Variants in GPR173 observed in about 807,000 individuals in gnomAD.
GPR173 encodes G protein-coupled receptor 173, also known as probable G protein-coupled receptor 173.
In GPR173, 2 loss-of-function variants were observed where a neutral mutation model predicts 13.9. That is an observed-to-expected ratio of 0.14 (90% CI 0.06 to 0.45). The LOEUF (loss-of-function observed/expected upper bound fraction) is 0.45. GPR173 is among the 20% of genes least tolerant of loss of function. The probability of loss-of-function intolerance (pLI) is 0.98; values close to 1 mark genes in which losing one functional copy is unlikely to be tolerated. For missense variants in GPR173, 202 were observed against 340.5 expected (o/e 0.59, Z 3.20); for synonymous variants, 131 against 141.0 (o/e 0.93, Z 0.50).
chrX:53,075,801 TTAAG>T (rs1258047705), intron 1 of GPR173, among the ~76,000 whole-genome samples: 3 of 110,683 alleles, frequency 2.7e-5, no homozygotes, highest in Non-Finnish European at 5.7e-5. Flanking sequence ...AAGAAATCTA[TTAAG>T]TGAGTGGTAC....
In GPR173 at chrX:53,073,536, T is replaced by C. The variant is rs1490319517; in HGVS notation, c.-97-2989T>C. 2.7e-5 allele frequency among the ~76,000 whole-genome samples: 3 copies of C among 109,294 alleles called. No individual in the cohort carries two copies. In the South Asian group the frequency reaches 1.1e-3, roughly 41 times the overall value. The allele number at this position is 109,294 out of a possible 115,157, so 94.9% of individuals were successfully genotyped here. A position where few individuals can be genotyped will look rare whatever the true frequency, so the allele number is the denominator to read the frequency against. ...ACCAGATGTACCCCCCAGGCTGCTGTTGTAGCTAATCCTGCCTGGATGTCT... is the reference window on the plus strand; with the variant it reads ...ACCAGATGTACCCCCCAGGCTGCTGCTGTAGCTAATCCTGCCTGGATGTCT... On this transcript the variant is annotated intron_variant, in intron 1 of 1. Transcript: ENST00000332582.
rs1556806489 is a variant in GPR173, at chrX:53,080,288, C to T, written c.*2545C>T. 8.2e-6 allele frequency: 1 copy of T among 122,250 alleles called. No homozygotes were observed. Among genetic ancestry groups the T allele is most frequent in the African/African-American group, 3.3e-5 (1 of 30,476 alleles). 10.1% of individuals were successfully genotyped at this position (122,250 alleles called of 1,213,427 possible). On this transcript the variant is annotated 3_prime_UTR_variant, in exon 2 of 2. Transcript: ENST00000332582. Reference sequence around the variant, plus strand: ...ACCCAAGCCCAGGAGTCTACCCAGCCAGCCTGCTCCCTAGACAGTTAATTT... The same window carrying T: ...ACCCAAGCCCAGGAGTCTACCCAGCTAGCCTGCTCCCTAGACAGTTAATTT...
rs1195044161 is a variant in GPR173, at chrX:53,075,180, C to T, written c.-97-1345C>T. Among the ~76,000 whole-genome samples the T allele has an allele frequency of 3.7e-5, 4 of 107,527 alleles. No homozygotes were observed. In the East Asian group the frequency reaches 1.2e-3, roughly 31 times the overall value. 93.4% of individuals were successfully genotyped at this position (107,527 alleles called of 115,157 possible). A position where few individuals can be genotyped will look rare whatever the true frequency, so the allele number is the denominator to read the frequency against. On this transcript the variant is annotated intron_variant, in intron 1 of 1. Transcript: ENST00000332582. ...CTTCCTCAAATATGCCATGTAGAGT[C>T]CCACCTCAGGGCCTTTGCTCTGGCC...
rs1931919005 is a variant in GPR173 at position 53,049,146 on chromosome X, G to A, written c.-436G>A. Reference sequence around the variant, plus strand: ...GGGGCCAGCACTGGCCCCCCTCCCAGCTTGGCAGTGGCATGAAGATGGGAG... The same window carrying A: ...GGGGCCAGCACTGGCCCCCCTCCCAACTTGGCAGTGGCATGAAGATGGGAG... On this transcript the variant is annotated 5_prime_UTR_variant, in exon 1 of 2. Coordinates refer to ENST00000332582, the MANE Select transcript of GPR173 (RefSeq NM_018969.6). The A allele has an allele frequency of 9.0e-6, 1 of 110,990 alleles. No homozygotes were observed. The allele number at this position is 110,990 out of a possible 1,213,427, so 9.1% of individuals were successfully genotyped here.
intron 1 of GPR173, among the ~76,000 whole-genome samples, chrX:53,055,324 G>GCTGTGTGTGGATGTCTCACA (rs1392243760): frequency 1.8e-5 from 2 of 110,133 alleles, no homozygotes; most frequent in South Asian, 3.9e-4. Flanking sequence ...GTACGTTTGG[G>GCTGTGTGTGGATGTCTCACA]CTGTGTGTGA....
chrX:53,057,267 A>C (rs1052525662), intron 1 of GPR173, among the ~76,000 whole-genome samples: 2 of 109,583 alleles, frequency 1.8e-5, no homozygotes, highest in South Asian at 3.9e-4. Flanking sequence ...AAATACAAAA[A>C]TTAGCCGGGT....
chrX:53,059,342 G>GA (rs1932088043), intron 1 of GPR173, among the ~76,000 whole-genome samples: 1 of 108,127 alleles, frequency 9.2e-6, no homozygotes, highest in South Asian at 4.3e-4. Flanking sequence ...GCCCAGGCTG[G>GA]AGTGCAGTGG....
At chrX:53,057,017 G>A (rs1443813909) in intron 1 of GPR173, among the ~76,000 whole-genome samples, 4 of 111,910 alleles carry the variant, frequency 3.6e-5, no homozygotes, top group Non-Finnish European at 7.5e-5. Context: ...TTAGCTGTAT[G>A]GCTTTGGGCA....
At position 53,077,192 on chromosome X, in the gene GPR173, C is replaced by T; in HGVS notation, c.571C>T (p.Leu191Phe). 1 of 1,202,427 alleles carries T rather than the reference C, an allele frequency of 8.3e-7. No individual in the cohort carries two copies. The highest frequency in any genetic ancestry group is 1.1e-6 in the Non-Finnish European group (1 of 889,772). Residue 191 changes from leucine to phenylalanine, a missense_variant, in exon 2 of 2, where the codon CTT becomes TTT. Around this residue, in one of 3 missense-constraint regions of GPR173, gnomAD observed 28 missense variants for 87.0 expected, o/e 0.32. Coordinates refer to ENST00000332582, the MANE Select transcript of GPR173 (RefSeq NM_018969.6). Reference sequence around the variant, plus strand: ...GGCCAATGACACGCTGGGCTTCATGCTTATGTTGGCTGTGCTCATGGCAGC... The same window carrying T: ...GGCCAATGACACGCTGGGCTTCATGTTTATGTTGGCTGTGCTCATGGCAGC... ...FKANDTLGFM[L>F]MLAVLMAATH...
intron 1 of GPR173, among the ~76,000 whole-genome samples, chrX:53,062,881 T>C (rs1455034459): frequency 8.9e-6 from 1 of 111,934 alleles, no homozygotes; most frequent in Non-Finnish European, 1.9e-5. Context: ...GTCCTGCATC[T>C]TGGGCACACT....
chrX:53,060,087 T>C lies in GPR173; in HGVS notation c.-98+10603T>C, dbSNP rs782777932. Among the ~76,000 whole-genome samples the C allele has an allele frequency of 4.6e-5, 5 of 108,036 alleles. No individual in the cohort carries two copies. The South Asian group carries it at 2.0e-3, about 43-fold the overall frequency. The allele number at this position is 108,036 out of a possible 115,157, so 93.8% of individuals were successfully genotyped here. A position where few individuals can be genotyped will look rare whatever the true frequency, so the allele number is the denominator to read the frequency against. ...ACATATATATATATAGTTCTTAAAA[T>C]TTATTCCATAAAGTACACATTTCCC... On this transcript the variant is annotated intron_variant, in intron 1 of 1. Coordinates refer to ENST00000332582, the MANE Select transcript of GPR173 (RefSeq NM_018969.6).
At position 53,077,809 on chromosome X, in the gene GPR173, G is replaced by A; in HGVS notation, c.*66G>A. On this transcript the variant is annotated 3_prime_UTR_variant, in exon 2 of 2. Transcript: ENST00000332582. ...CACCGTGATGGGGCCAACAGCAAGGGAGGGGTAGGGGCCCATACAGGAGTC... is the reference window on the plus strand; with the variant it reads ...CACCGTGATGGGGCCAACAGCAAGGAAGGGGTAGGGGCCCATACAGGAGTC... 5.3e-6 allele frequency: 5 copies of A among 937,891 alleles called. No homozygotes were observed. The South Asian group carries it at 1.1e-4, about 21-fold the overall frequency. 77.3% of individuals were successfully genotyped at this position (937,891 alleles called of 1,213,427 possible).
In GPR173 at chrX:53,078,495, G is replaced by C. The variant is rs1441004677; in HGVS notation, c.*752G>C. On this transcript the variant is annotated 3_prime_UTR_variant, in exon 2 of 2. Coordinates refer to ENST00000332582, the MANE Select transcript of GPR173 (RefSeq NM_018969.6). ...GGGCCCCAAGGATGGGCCCAGGTTA[G>C]GTGAAGAGTAAGATGTGAGCTGAAC... The C allele has an allele frequency of 8.1e-6, 1 of 122,896 alleles. No homozygotes were observed. The highest frequency in any genetic ancestry group is 1.9e-5 in the Non-Finnish European group (1 of 53,206). The allele number at this position is 122,896 out of a possible 1,213,427, so 10.1% of individuals were successfully genotyped here. A position where few individuals can be genotyped will look rare whatever the true frequency, so the allele number is the denominator to read the frequency against.
chrX:53,060,065 T>C (rs782004831), intron 1 of GPR173, among the ~76,000 whole-genome samples: 56 of 103,338 alleles, frequency 5.4e-4, no homozygotes, highest in African/African-American at 1.6e-3. Flanking sequence ...CACACACACA[T>C]ATATATATAT....
rs1239639932 is a variant in GPR173, at chrX:53,079,369, G to A, written c.*1626G>A. The A allele has an allele frequency of 4.3e-5, 5 of 115,051 alleles. No homozygotes were observed. Among genetic ancestry groups the A allele is most frequent in the Non-Finnish European group, 9.8e-5 (5 of 50,824 alleles). 9.5% of individuals were successfully genotyped at this position (115,051 alleles called of 1,213,427 possible). Reference sequence around the variant, plus strand: ...CCTGGAAAGGCAGGCCAGAGTGGCTGAGAGGCTGGGAGTAGGGGAGCCTGT... The same window carrying A: ...CCTGGAAAGGCAGGCCAGAGTGGCTAAGAGGCTGGGAGTAGGGGAGCCTGT... On this transcript the variant is annotated 3_prime_UTR_variant, in exon 2 of 2. Transcript: ENST00000332582.
intron 1 of GPR173, among the ~76,000 whole-genome samples, chrX:53,074,687 A>G (rs1163373970): frequency 1.1e-5 from 1 of 87,105 alleles, no homozygotes. Flanking sequence ...TATAAATATT[A>G]TAAATAAATA....
intron 1 of GPR173, among the ~76,000 whole-genome samples, chrX:53,075,223 T>G (rs1932413683): frequency 9.4e-6 from 1 of 106,706 alleles, no homozygotes; most frequent in Non-Finnish European, 1.9e-5. Context: ...CTGCCTGGAC[T>G]TCTCTTCCCC....
chrX:53,061,991 A>AAGAAG (rs1556803835), intron 1 of GPR173, among the ~76,000 whole-genome samples: 1,970 of 105,524 alleles, frequency 0.019, 30 homozygotes, highest in Middle Eastern at 0.028. Context: ...AGGGAAGAGA[A>AAGAAG]AGAAGAGAAG....
At chrX:53,061,983 G>GGAAGAGAAAGAAGAGAAGA (rs1569221901) in intron 1 of GPR173, among the ~76,000 whole-genome samples, 1 of 61,105 alleles carries the variant, frequency 1.6e-5, no homozygotes, top group East Asian at 4.0e-4. Flanking sequence ...AGAAGGGAAG[G>GGAAGAGAAAGAAGAGAAGA]GAAGAGAAAG....
Sources: allele counts gnomAD v4.1 joint callset (sites outside exome capture counted in the v4.1 genomes callset), GRCh38; gene constraint gnomAD v4.1.1; regional missense constraint gnomAD v4.1.1; transcripts MANE v1.5; gene names NCBI Gene and HGNC (gene_info 2026-07-23, HGNC 2026-07-21).